Variants in NUBPL observed in about 807,000 individuals in gnomAD.
NUBPL encodes the protein NUBP iron-sulfur cluster assembly factor, mitochondrial.
In NUBPL, 31 loss-of-function variants were observed where a neutral mutation model predicts 45.7. The ratio of observed to expected loss-of-function variants is 0.68; its 90% CI spans 0.51 to 0.92. NUBPL has a LOEUF of 0.92. Among genes scored for constraint, NUBPL ranks in the 40% least tolerant of loss-of-function variants. The pLI is 0.00. For missense variants in NUBPL, 401 were observed against 398.7 expected (o/e 1.01, Z -0.05); for synonymous variants, 144 against 140.9 (o/e 1.02, Z -0.15).
chr14:31,639,509 G>T (rs2035616870), intron 4 of NUBPL, among the ~76,000 whole-genome samples: 1 of 152,214 alleles, frequency 6.6e-6, no homozygotes, highest in Non-Finnish European at 1.5e-5. Context: ...GTGCCTCCCA[G>T]TTAGGCTGCT....
intron 6 of NUBPL, among the ~76,000 whole-genome samples, chr14:31,769,525 T>C (rs2038970200): frequency 6.6e-6 from 1 of 152,134 alleles, no homozygotes; most frequent in Admixed American, 6.5e-5. Flanking sequence ...TCAGTATAAA[T>C]TTAAATGAGG....
At chr14:31,591,369 C>T (rs1428664812) in intron 3 of NUBPL, among the ~76,000 whole-genome samples, 1 of 152,062 alleles carries the variant, frequency 6.6e-6, no homozygotes, top group African/African-American at 2.4e-5. Context: ...ACCATGTTGG[C>T]CAGGCTGCTC....
chr14:31,653,381 A>G (rs1017690413), intron 4 of NUBPL, among the ~76,000 whole-genome samples: 4 of 152,140 alleles, frequency 2.6e-5, no homozygotes, highest in African/African-American at 9.7e-5. Flanking sequence ...ACACTCCCAG[A>G]GCAGCCGTTT....
intron 7 of NUBPL, among the ~76,000 whole-genome samples, chr14:31,806,198 G>A (rs1471091947): frequency 6.6e-6 from 1 of 152,164 alleles, no homozygotes; most frequent in East Asian, 1.9e-4. Flanking sequence ...ATAGATCAAA[G>A]CTTTCCATAT....
At chr14:31,594,840 C>T (rs908131205) in intron 3 of NUBPL, among the ~76,000 whole-genome samples, 4 of 151,984 alleles carry the variant, frequency 2.6e-5, no homozygotes, top group African/African-American at 9.7e-5. Context: ...GAATAAACAC[C>T]AACTGCCAGT....
At chr14:31,834,262 C>T (rs1218575972) in intron 8 of NUBPL, among the ~76,000 whole-genome samples, 1 of 147,862 alleles carries the variant, frequency 6.8e-6, no homozygotes, top group Non-Finnish European at 1.5e-5. Context: ...CTCACTGCAA[C>T]CTCCGCCTCC....
At chr14:31,793,842 T>TTTTTTTA (rs2039431291) in intron 7 of NUBPL, among the ~76,000 whole-genome samples, 3 of 125,076 alleles carry the variant, frequency 2.4e-5, no homozygotes, top group African/African-American at 1.3e-4. Flanking sequence ...TTTTTTTTTA[T>TTTTTTTA]TTTTTTTTTT....
intron 4 of NUBPL, among the ~76,000 whole-genome samples, chr14:31,600,188 C>T (rs1595348422): frequency 6.6e-6 from 1 of 152,112 alleles, no homozygotes; most frequent in East Asian, 1.9e-4. Context: ...TCAAAAAATG[C>T]TGGGATTACA....
At chr14:31,648,929 C>T (rs1301733876) in intron 4 of NUBPL, among the ~76,000 whole-genome samples, 5 of 152,196 alleles carry the variant, frequency 3.3e-5, no homozygotes, top group Admixed American at 1.3e-4. Flanking sequence ...TTGCCTCTGC[C>T]TCCCCAGTAG....
chr14:31,729,858 T>G (rs1391348252), intron 6 of NUBPL, among the ~76,000 whole-genome samples: 1 of 152,204 alleles, frequency 6.6e-6, no homozygotes, highest in African/African-American at 2.4e-5. Context: ...CTTTTCTTAT[T>G]GCATTATCTA....
intron 6 of NUBPL, among the ~76,000 whole-genome samples, chr14:31,767,141 C>T (rs186690273): frequency 1.3e-5 from 2 of 152,266 alleles, no homozygotes; most frequent in African/African-American, 2.4e-5. Flanking sequence ...AAAATCCATT[C>T]AAATCTCTTG....
rs188826965 is a variant in NUBPL, at chr14:31,752,406, A to C, written c.514-35374A>C. ...GAAATTTATTCTGCCAGGTACCCTA[A>C]GTCATCTCTCTCAAGTTTAGAGATC... is the stretch of plus-strand genomic sequence containing the variant. On this transcript the variant is annotated intron_variant, in intron 6 of 10. Coordinates refer to ENST00000281081, the MANE Select transcript of NUBPL (RefSeq NM_025152.3). Among the ~76,000 whole-genome samples, 303 of 152,288 alleles carry C rather than the reference A, an allele frequency of 2.0e-3. 1 individual carries two copies. Among genetic ancestry groups the C allele is most frequent in the African/African-American group, 6.7e-3 (279 of 41,552 alleles).
chr14:31,622,501 A>C (rs752850771), intron 4 of NUBPL, among the ~76,000 whole-genome samples: 4 of 151,678 alleles, frequency 2.6e-5, no homozygotes, highest in African/African-American at 9.7e-5. Flanking sequence ...CCCTCCCATC[A>C]CGGGCTTAGG....
Position 31,809,085 on chromosome 14 carries a change from T to G in NUBPL, c.608-17544T>G, listed in dbSNP as rs530768237. Among the ~76,000 whole-genome samples, 460 of 152,012 alleles carry G rather than the reference T, an allele frequency of 3.0e-3. 1 individual carries two copies. Among genetic ancestry groups the G allele is most frequent in the African/African-American group, 0.011 (440 of 41,464 alleles). On this transcript the variant is annotated intron_variant, in intron 7 of 10. Coordinates refer to ENST00000281081, the MANE Select transcript of NUBPL (RefSeq NM_025152.3). ...ATATTGGTCTAAAATTCTCTTTTTT[T>G]GTTTTGTCTCTGCCAGGTTTTGGTA...
At chr14:31,702,645 C>G (rs2037364874) in intron 6 of NUBPL, among the ~76,000 whole-genome samples, 1 of 152,170 alleles carries the variant, frequency 6.6e-6, no homozygotes, top group Admixed American at 6.5e-5. Flanking sequence ...GTAATTAAAA[C>G]TCAGAATTCC....
chr14:31,729,280 C>CA, intron 6 of NUBPL, among the ~76,000 whole-genome samples: 2 of 133,926 alleles, frequency 1.5e-5, no homozygotes, highest in East Asian at 4.9e-4. Flanking sequence ...CTCCATCCCC[C>CA]CCCCCCCCAA....
intron 4 of NUBPL, among the ~76,000 whole-genome samples, chr14:31,619,440 G>A (rs1478532458): frequency 1.3e-5 from 2 of 152,148 alleles, no homozygotes; most frequent in South Asian, 2.1e-4. Context: ...TCCTTTCCAC[G>A]TTTTGTGCTT....
intron 7 of NUBPL, among the ~76,000 whole-genome samples, chr14:31,804,319 A>G (rs1209799656): frequency 6.6e-6 from 1 of 152,166 alleles, no homozygotes; most frequent in Non-Finnish European, 1.5e-5. Flanking sequence ...TAATAGGTAG[A>G]TGTTACAGTA....
chr14:31,846,592 G>A lies in NUBPL; in HGVS notation c.814+1G>A. On this transcript the variant is annotated splice_donor_variant, in intron 9 of 10. Transcript: ENST00000281081. LOFTEE classifies it high-confidence loss of function. ...CAGACCCTTGGTCTTGAAGTTCTAG[G>A]TAAGACTGTGGGATGTTCTTTTGTA... The A allele has an allele frequency of 6.2e-7, 1 of 1,613,500 alleles. No individual in the cohort carries two copies. Among genetic ancestry groups the A allele is most frequent in the East Asian group, 2.2e-5 (1 of 44,822 alleles).
Sources: allele counts gnomAD v4.1 joint callset (sites outside exome capture counted in the v4.1 genomes callset), GRCh38; gene constraint gnomAD v4.1.1; transcripts MANE v1.5; gene names NCBI Gene and HGNC (gene_info 2026-07-23, HGNC 2026-07-21).